The following IFT80 variants were observed in gnomAD, a reference collection of about 807,000 sequenced individuals.
IFT80 encodes intraflagellar transport 80.
Under a neutral mutation model 107.9 loss-of-function variants are expected in IFT80, and 79 were observed. That is an observed-to-expected ratio of 0.73 (90% confidence interval 0.61 to 0.88). The LOEUF is 0.88. Ranked by LOEUF, IFT80 falls within the 40% of genes least tolerant of loss-of-function variation. The pLI is 0.00. For missense variants in IFT80, 797 were observed against 914.2 expected (o/e 0.87, Z 1.65); for synonymous variants, 299 against 300.9 (o/e 0.99, Z 0.07).
intron 6 of IFT80, among the ~76,000 whole-genome samples, chr3:160,362,579 T>G (rs1289412516): frequency 2.0e-5 from 3 of 152,136 alleles, no homozygotes; most frequent in African/African-American, 7.2e-5. Flanking sequence ...AAGAGAATTT[T>G]AGACCAATAT....
intron 9 of IFT80, 126 bp from the exon 10 acceptor site, chr3:160,307,907 G>T: frequency 1.5e-6 from 1 of 649,390 alleles, no homozygotes; most frequent in South Asian, 1.8e-5. Context: ...ATATAAAAAA[G>T]AATTTAATAG....
At chr3:160,351,140 G>A (rs569898781) in intron 8 of IFT80, among the ~76,000 whole-genome samples, 63 of 151,852 alleles carry the variant, frequency 4.1e-4, no homozygotes, top group Admixed American at 3.6e-3. Context: ...GTTAAAATTT[G>A]TTATATCACG....
Position 160,348,566 on chromosome 3 carries a change from G to A in IFT80, c.777+7447C>T, listed in dbSNP as rs574349748. ...AGTTAAACATAGGGTTACACTTGTC[G>A]TAGCAATTCTACTTCTAAGTATACA... On this transcript the variant is annotated intron_variant, in intron 8 of 19. Transcript: ENST00000326448. 2.5e-4 allele frequency among the ~76,000 whole-genome samples: 38 copies of A among 152,238 alleles called. 1 individual carries two copies. The South Asian group carries it at 5.4e-3, about 22-fold the overall frequency.
intron 12 of IFT80, among the ~76,000 whole-genome samples, chr3:160,292,732 T>A (rs1224504686): frequency 6.6e-6 from 1 of 152,092 alleles, no homozygotes; most frequent in Non-Finnish European, 1.5e-5. Context: ...CGCCTCGGCC[T>A]CCTTTTGTTT....
intron 12 of IFT80, chr3:160,299,215 C>A: frequency 2.7e-6 from 3 of 1,128,582 alleles, no homozygotes; most frequent in South Asian, 2.1e-5. Context: ...TTTCCTCTTT[C>A]TTAGCCAAAA....
chr3:160,296,257 T>C (rs576195902), intron 12 of IFT80, among the ~76,000 whole-genome samples: 31 of 152,218 alleles, frequency 2.0e-4, no homozygotes, highest in African/African-American at 7.5e-4. Context: ...ATTAAGATCA[T>C]GTAAGTATTT....
chr3:160,399,125 T>A (rs1357594144), intron 1 of IFT80, 21 bp downstream of exon 1: 1 of 152,264 alleles, frequency 6.6e-6, no homozygotes, highest in Non-Finnish European at 1.5e-5. Flanking sequence ...TCTCACCAGG[T>A]CCAGAGGTGA....
At chr3:160,356,349 C>T (rs73154561) in intron 7 of IFT80, among the ~76,000 whole-genome samples, 199 bp from the exon 8 acceptor site, 4 of 152,240 alleles carry the variant, frequency 2.6e-5, no homozygotes, top group Non-Finnish European at 5.9e-5. Flanking sequence ...TACTATCACA[C>T]AAGGGGAAAA....
intron 5 of IFT80, among the ~76,000 whole-genome samples, chr3:160,374,897 T>C (rs1442145097): frequency 1.3e-5 from 2 of 152,348 alleles, no homozygotes; most frequent in East Asian, 1.9e-4. Context: ...CTTGAGATTA[T>C]CTGTAGCAAA....
intron 2 of IFT80, chr3:160,383,405 G>A: frequency 1.1e-6 from 1 of 888,620 alleles, no homozygotes; most frequent in Non-Finnish European, 1.3e-6. Context: ...AGTTAAATAA[G>A]CAAACAAGAT....
intron 8 of IFT80, among the ~76,000 whole-genome samples, chr3:160,322,011 T>C (rs555246718): frequency 0.12 from 11,877 of 99,382 alleles, 637 homozygotes; most frequent in African/African-American, 0.18. Context: ...TTGTTATTTA[T>C]TTATTTATTT....
At chr3:160,363,308 G>A (rs1049825969) in intron 6 of IFT80, among the ~76,000 whole-genome samples, 10 of 152,042 alleles carry the variant, frequency 6.6e-5, no homozygotes, top group Non-Finnish European at 1.2e-4. Context: ...AACTTACAAC[G>A]GATGTGAGGG....
chr3:160,272,592 C>T (rs1385261796), intron 18 of IFT80, among the ~76,000 whole-genome samples: 1 of 152,048 alleles, frequency 6.6e-6, no homozygotes, highest in Non-Finnish European at 1.5e-5. Context: ...TAAAGCACAC[C>T]CTTAAATATT....
intron 12 of IFT80, among the ~76,000 whole-genome samples, chr3:160,286,960 T>A (rs981916941): frequency 6.6e-6 from 1 of 152,074 alleles, no homozygotes; most frequent in Non-Finnish European, 1.5e-5. Flanking sequence ...GGGCTGATAA[T>A]CAGATCAAGC....
At chr3:160,312,162 C>T (rs954072062) in intron 9 of IFT80, among the ~76,000 whole-genome samples, 1 of 152,148 alleles carries the variant, frequency 6.6e-6, no homozygotes. Context: ...AGCTATATGA[C>T]TGCAGGTTGT....
chr3:160,392,281 A>C (rs568250774), intron 1 of IFT80, among the ~76,000 whole-genome samples: 23 of 152,370 alleles, frequency 1.5e-4, no homozygotes, highest in African/African-American at 5.5e-4. Flanking sequence ...ACTCACTGCC[A>C]TGGTGAACTC....
chr3:160,299,138 T>C, intron 12 of IFT80: 3 of 983,634 alleles, frequency 3.0e-6, no homozygotes, highest in Non-Finnish European at 3.6e-6. Flanking sequence ...CAAATTACTA[T>C]TATTTTCACA....
At chr3:160,345,737 T>C (rs1720246343) in intron 8 of IFT80, among the ~76,000 whole-genome samples, 2 of 147,850 alleles carry the variant, frequency 1.4e-5, no homozygotes, top group Admixed American at 1.4e-4. Context: ...TATCAGAGGC[T>C]GGGAAGGGTC....
At chr3:160,285,929 A>G (rs973138287) in intron 12 of IFT80, 61 bp from the exon 13 acceptor site, 28 of 1,148,820 alleles carry the variant, frequency 2.4e-5, no homozygotes, top group Non-Finnish European at 3.5e-5. Context: ...GGTAAAATTC[A>G]GTGAAACTAT....
Sources: gnomAD v4.1 joint callset for allele counts (sites outside exome capture counted in the v4.1 genomes callset) on GRCh38, gnomAD v4.1.1 for gene constraint, MANE v1.5 for transcripts, NCBI Gene and HGNC (gene_info 2026-07-23, HGNC 2026-07-21) for gene names.